The following ABCA5 variants were observed in gnomAD, a reference collection of about 807,000 sequenced individuals.
The protein encoded by ABCA5 is cholesterol transporter ABCA5.
ABCA5 carries 163 observed loss-of-function variants against 206.0 expected under a neutral mutation model. That is an observed-to-expected ratio of 0.79 (90% CI 0.70 to 0.90). ABCA5 has a LOEUF of 0.90. Among genes scored for constraint, ABCA5 ranks in the 40% least tolerant of loss-of-function variants. The probability of loss-of-function intolerance (pLI) is 0.00; values close to 1 mark genes in which losing one functional copy is unlikely to be tolerated. For missense variants in ABCA5, 1,859 were observed against 1,912.9 expected (o/e 0.97, Z 0.53); for synonymous variants, 609 against 613.8 (o/e 0.99, Z 0.11).
chr17:69,262,069 C>G (rs1181492007), intron 24 of ABCA5, among the ~76,000 whole-genome samples: 6 of 152,018 alleles, frequency 3.9e-5, no homozygotes. Context: ...TGATCTCTGA[C>G]AAAATCGGTA....
At chr17:69,282,980 CTTTTTTTTTTTT>C (rs1048269473) in intron 18 of ABCA5, among the ~76,000 whole-genome samples, 61 of 112,992 alleles carry the variant, frequency 5.4e-4, no homozygotes, top group Non-Finnish European at 7.9e-4. Flanking sequence ...TGTTCTTTCC[CTTTTTTTTTTTT>C]TTTTTTTTTT....
At chr17:69,252,812 G>C (rs918866445) in intron 34 of ABCA5, among the ~76,000 whole-genome samples, 1 of 144,450 alleles carries the variant, frequency 6.9e-6, no homozygotes, top group African/African-American at 2.6e-5. Context: ...ACTCCAGCTT[G>C]GTCAACAGAA....
rs2074936301 is a variant in ABCA5 at position 69,245,155 on chromosome 17, CCACT to C, written c.*2378_*2381del. The C allele has an allele frequency of 6.6e-6, 1 of 150,978 alleles. No individual in the cohort carries two copies. Among genetic ancestry groups the C allele is most frequent in the African/African-American group, 2.4e-5 (1 of 41,156 alleles). 9.4% of individuals were successfully genotyped at this position (150,978 alleles called of 1,614,324 possible). Reference sequence around the variant, plus strand: ...AGAAAAAAATTATTTTAAAGAAAACCCACTGTCTTTACTGAAAACAAACTAGAAA... The same window carrying C: ...AGAAAAAAATTATTTTAAAGAAAACCGTCTTTACTGAAAACAAACTAGAAA... On this transcript the variant is annotated 3_prime_UTR_variant, in exon 39 of 39. Coordinates refer to ENST00000392676, the MANE Select transcript of ABCA5 (RefSeq NM_172232.4).
intron 34 of ABCA5, among the ~76,000 whole-genome samples, chr17:69,252,297 G>C (rs2075024242): frequency 6.6e-6 from 1 of 152,088 alleles, no homozygotes; most frequent in South Asian, 2.1e-4. Context: ...ACAGGCGTGA[G>C]CCACTGCGCC....
At chr17:69,266,059 G>A (rs2075204228) in intron 23 of ABCA5, among the ~76,000 whole-genome samples, 1 of 152,112 alleles carries the variant, frequency 6.6e-6, no homozygotes, top group South Asian at 2.1e-4. Flanking sequence ...GAGAAAGTGT[G>A]ATGTATCCAT....
At chr17:69,291,352 A>G (rs966877201) in intron 11 of ABCA5, 26 bp from the exon 12 acceptor site, 1 of 1,449,932 alleles carries the variant, frequency 6.9e-7, no homozygotes, top group Non-Finnish European at 9.6e-7. Flanking sequence ...AGAAGACTCA[A>G]ATGTAATTTT....
intron 18 of ABCA5, among the ~76,000 whole-genome samples, chr17:69,283,182 C>T (rs537555342): frequency 2.2e-4 from 34 of 151,790 alleles, no homozygotes; most frequent in Non-Finnish European, 4.1e-4. Flanking sequence ...CAAGGTTTTG[C>T]CATGTTGCCA....
At chr17:69,278,626 A>C (rs1308341655) in intron 18 of ABCA5, among the ~76,000 whole-genome samples, 3 of 152,326 alleles carry the variant, frequency 2.0e-5, no homozygotes, top group South Asian at 2.1e-4. Context: ...AGGTATAACA[A>C]ATTCAGTAGT....
rs1250878057 is a variant in ABCA5, at chr17:69,295,833, T to C, written c.1437-1120A>G. On this transcript the variant is annotated intron_variant, in intron 10 of 38. Coordinates refer to ENST00000392676, the MANE Select transcript of ABCA5 (RefSeq NM_172232.4). ...CAGTTCATCTGCGAGTTTTTTCAAA[T>C]TGTTACAAATCTCCAAAAAAATTTT... is the stretch of plus-strand genomic sequence containing the variant. 2.6e-5 allele frequency among the ~76,000 whole-genome samples: 4 copies of C among 152,190 alleles called. No individual in the cohort carries two copies. In the East Asian group the frequency reaches 7.7e-4, roughly 29 times the overall value.
intron 1 of ABCA5, among the ~76,000 whole-genome samples, chr17:69,321,489 T>G (rs1181409409): frequency 6.6e-6 from 1 of 152,184 alleles, no homozygotes; most frequent in East Asian, 1.9e-4. Flanking sequence ...TTCCAAAATT[T>G]TATAGCTTTA....
At chr17:69,278,207 T>G (rs976703759) in intron 18 of ABCA5, among the ~76,000 whole-genome samples, 3 of 152,002 alleles carry the variant, frequency 2.0e-5, no homozygotes, top group Middle Eastern at 3.4e-3. Context: ...AATGTCATTT[T>G]GAGTGAAAGA....
At chr17:69,318,430 A>T (rs1450214557) in intron 1 of ABCA5, among the ~76,000 whole-genome samples, 1 of 152,052 alleles carries the variant, frequency 6.6e-6, no homozygotes, top group African/African-American at 2.4e-5. Flanking sequence ...TTTTCCAGTA[A>T]ATATATATAA....
Position 69,277,684 on chromosome 17 carries a change from G to C in ABCA5, c.2551C>G (p.His851Asp). 21 of 1,611,298 alleles carry C rather than the reference G, an allele frequency of 1.3e-5. No homozygotes were observed. Among genetic ancestry groups the C allele is most frequent in the Non-Finnish European group, 1.7e-5 (20 of 1,179,168 alleles). Residue 851 changes from histidine to aspartate, a missense_variant, in exon 19 of 39, where the codon CAT becomes GAT. Physicochemically the swap from His to Asp is moderately conservative, Grantham distance 81. Coordinates refer to ENST00000392676, the MANE Select transcript of ABCA5 (RefSeq NM_172232.4). ...CTTTCACGTTTCAAGGTAAAGAAAT[G>C]AAACTTTGCTATTGTATACATCTGT... ...KQQMYTIAKFHFFTLKRESKS... is the reference protein window; with the variant it reads ...KQQMYTIAKFDFFTLKRESKS...
intron 23 of ABCA5, among the ~76,000 whole-genome samples, chr17:69,266,825 CAAAT>C (rs1446316432): frequency 1.3e-5 from 2 of 149,852 alleles, no homozygotes; most frequent in African/African-American, 4.9e-5. Context: ...TTATAGTAAA[CAAAT>C]AACAAAATTT....
chr17:69,277,015 G>T (rs2075339685), intron 19 of ABCA5, among the ~76,000 whole-genome samples: 1 of 152,102 alleles, frequency 6.6e-6, no homozygotes, highest in African/African-American at 2.4e-5. Flanking sequence ...GACTTAACAA[G>T]ATAGGTGTGT....
At chr17:69,275,535 G>A (rs1425892641) in intron 19 of ABCA5, among the ~76,000 whole-genome samples, 1 of 151,972 alleles carries the variant, frequency 6.6e-6, no homozygotes, top group Non-Finnish European at 1.5e-5. Context: ...AAGTGATTTA[G>A]GTTAAAAAAT....
At chr17:69,325,974 C>T (rs2075894373) in intron 1 of ABCA5, among the ~76,000 whole-genome samples, 1 of 152,158 alleles carries the variant, frequency 6.6e-6, no homozygotes. Context: ...GATTTTAACA[C>T]AAATACCCAC....
intron 9 of ABCA5, among the ~76,000 whole-genome samples, chr17:69,299,473 C>CACAT (rs1411671870): frequency 4.0e-4 from 60 of 149,092 alleles, no homozygotes; most frequent in African/African-American, 1.4e-3. Context: ...CACACACATA[C>CACAT]ACACACACAC....
chr17:69,289,123 T>C, intron 14 of ABCA5, 54 bp downstream of exon 14: 1 of 1,552,808 alleles, frequency 6.4e-7, no homozygotes, highest in South Asian at 1.2e-5. Context: ...CAACCTGCTT[T>C]TTAATTCGAC....
Sources: gnomAD v4.1 joint callset for allele counts (sites outside exome capture counted in the v4.1 genomes callset) on GRCh38, gnomAD v4.1.1 for gene constraint, MANE v1.5 for transcripts, NCBI Gene and HGNC (gene_info 2026-07-23, HGNC 2026-07-21) for gene names.